GMDS: variants seen among roughly 807,000 people sequenced by gnomAD.
GMDS encodes the protein GDP-mannose 4,6 dehydratase.
Under a neutral mutation model 49.9 loss-of-function variants are expected in GMDS, and 20 were observed. The ratio of observed to expected loss-of-function variants is 0.40; its 90% CI spans 0.28 to 0.58. GMDS has a LOEUF of 0.58. Among genes scored for constraint, GMDS ranks in the 20% least tolerant of loss-of-function variants. GMDS has a pLI of 0.42. For synonymous variants in GMDS, 177 were observed against 178.6 expected, an observed-to-expected ratio of 0.99 and a Z score of 0.07; for missense variants, 362 against 481.4, an observed-to-expected ratio of 0.75 and a Z score of 2.32.
Position 2,245,603 on chromosome 6 carries a change from G to T in GMDS, c.-181C>A. On this transcript the variant is annotated 5_prime_UTR_variant, in exon 1 of 11. Coordinates refer to ENST00000380815, the MANE Select transcript of GMDS (RefSeq NM_001500.4). ...AGGGGCGCACGGGAGGCCGTGCAGG[G>T]AGGGCCGGGGGCGGGCCGAGCCGGC... The T allele has an allele frequency of 2.7e-6, 1 of 372,304 alleles. No homozygotes were observed. The highest frequency in any genetic ancestry group is 4.7e-6 in the Non-Finnish European group (1 of 211,392). The allele number at this position is 372,304 out of a possible 1,614,324, so 23.1% of individuals were successfully genotyped here. A position where few individuals can be genotyped will look rare whatever the true frequency, so the allele number is the denominator to read the frequency against.
intron 5 of GMDS, among the ~76,000 whole-genome samples, chr6:1,960,457 A>T (rs958181686): frequency 2.6e-5 from 4 of 152,104 alleles, no homozygotes; most frequent in African/African-American, 9.7e-5. Context: ...GTATAATCTC[A>T]TAACAGTTTA....
chr6:1,998,198 T>C (rs149964381), intron 4 of GMDS, among the ~76,000 whole-genome samples: 2 of 152,306 alleles, frequency 1.3e-5, no homozygotes, highest in African/African-American at 2.4e-5. Flanking sequence ...CCAGGAGTTA[T>C]CATAGCTGTG....
chr6:2,044,590 A>T (rs1448571961), intron 4 of GMDS, among the ~76,000 whole-genome samples: 1 of 152,206 alleles, frequency 6.6e-6, no homozygotes, highest in East Asian at 1.9e-4. Flanking sequence ...GAGGGAGAAG[A>T]TCAGGAAAAA....
At chr6:1,989,308 G>T (rs187846607) in intron 4 of GMDS, among the ~76,000 whole-genome samples, 141 of 152,274 alleles carry the variant, frequency 9.3e-4, no homozygotes, top group Non-Finnish European at 1.2e-3. Flanking sequence ...TGGTAAAAAG[G>T]CTGTTAATGG....
intron 7 of GMDS, among the ~76,000 whole-genome samples, chr6:1,893,234 C>T (rs182750671): frequency 1.8e-4 from 27 of 146,016 alleles, no homozygotes; most frequent in African/African-American, 6.9e-4. Flanking sequence ...GACTCTGTCA[C>T]CCAGGCTGGA....
At position 1,960,949 on chromosome 6, in the gene GMDS, A is replaced by G. The variant is rs767608039; in HGVS notation, c.363T>C (p.Ala121=). Residue 121 remains alanine, a synonymous_variant, in exon 5 of 11, where the codon GCT becomes GCC. Transcript: ENST00000380815. ...QSHVKISFDL[A]EYTADVDGVG... Reference sequence around the variant, plus strand: ...CTCCGTCAACGTCCGCAGTGTACTCAGCGAGGTCAAAGGAAATCTGGAAAA... The same window carrying G: ...CTCCGTCAACGTCCGCAGTGTACTCGGCGAGGTCAAAGGAAATCTGGAAAA... The G allele has an allele frequency of 6.5e-7, 1 of 1,540,460 alleles. No individual in the cohort carries two copies. Among genetic ancestry groups the G allele is most frequent in the Admixed American group, 1.7e-5 (1 of 58,892 alleles).
At position 1,635,062 on chromosome 6, in the gene GMDS, C is replaced by A. The variant is rs1035359974; in HGVS notation, c.988-10522G>T. Among the ~76,000 whole-genome samples, 1 of 152,124 alleles carries A rather than the reference C, an allele frequency of 6.6e-6. No homozygotes were observed. The highest frequency in any genetic ancestry group is 6.6e-5 in the Admixed American group (1 of 15,262). On this transcript the variant is annotated intron_variant, in intron 9 of 10. Coordinates refer to ENST00000380815, the MANE Select transcript of GMDS (RefSeq NM_001500.4). The surrounding 1 kb of genome is among the most constrained non-coding windows in gnomAD (Gnocchi z 4.7). ...GCGTGTGCCTCTCACCACAGCCCTG[C>A]CAGCATTACGTGTCATCTCCTTTTT...
At chr6:1,688,748 G>A (rs1331255550) in intron 9 of GMDS, among the ~76,000 whole-genome samples, 1 of 152,192 alleles carries the variant, frequency 6.6e-6, no homozygotes, top group African/African-American at 2.4e-5. Flanking sequence ...ATTATATAAA[G>A]ATAGCCAGCT....
intron 9 of GMDS, among the ~76,000 whole-genome samples, chr6:1,683,315 G>A (rs565702815): frequency 1.7e-4 from 26 of 152,230 alleles, no homozygotes; most frequent in Admixed American, 6.5e-4. Context: ...AGTAGAGACC[G>A]GGTTTCACCG....
intron 7 of GMDS, among the ~76,000 whole-genome samples, chr6:1,846,421 T>C (rs1236099451): frequency 6.6e-6 from 1 of 152,114 alleles, no homozygotes; most frequent in Non-Finnish European, 1.5e-5. Context: ...GCCCTTTTTC[T>C]CTCTAAAATT....
chr6:2,099,245 C>CA (rs965562985), intron 4 of GMDS, among the ~76,000 whole-genome samples: 11 of 152,024 alleles, frequency 7.2e-5, no homozygotes, highest in African/African-American at 2.7e-4. Flanking sequence ...CCCTTCCCCA[C>CA]AAAAAAGCAT....
intron 8 of GMDS, among the ~76,000 whole-genome samples, chr6:1,739,488 C>T (rs946841769): frequency 6.6e-6 from 1 of 152,248 alleles, no homozygotes. Context: ...CCTGCTCCCC[C>T]GCATTCAAAC....
chr6:1,648,733 C>T lies in GMDS; in HGVS notation c.988-24193G>A, dbSNP rs78291428. Among the ~76,000 whole-genome samples the T allele has an allele frequency of 3.8e-3, 578 of 152,316 alleles. 4 individuals carry two copies. The highest frequency in any genetic ancestry group is 0.013 in the African/African-American group (546 of 41,560). On this transcript the variant is annotated intron_variant, in intron 9 of 10. Coordinates refer to ENST00000380815, the MANE Select transcript of GMDS (RefSeq NM_001500.4). ...CCAAATAATGAAACGTAACTTTCAA[C>T]GATTTAGAATGCCACAGTTTTTTGT...
At chr6:2,112,937 C>T (rs1774632318) in intron 4 of GMDS, among the ~76,000 whole-genome samples, 1 of 152,136 alleles carries the variant, frequency 6.6e-6, no homozygotes, top group African/African-American at 2.4e-5. Context: ...ATTCAATCTT[C>T]AGTCCTCTAC....
intron 7 of GMDS, among the ~76,000 whole-genome samples, chr6:1,888,598 G>C (rs1759727088): frequency 6.6e-6 from 1 of 152,052 alleles, no homozygotes; most frequent in Non-Finnish European, 1.5e-5. Flanking sequence ...TCTGCCCCTG[G>C]TCTCTCCCAA....
chr6:2,043,036 G>A (rs948578521), intron 4 of GMDS, among the ~76,000 whole-genome samples: 12 of 152,112 alleles, frequency 7.9e-5, no homozygotes, highest in African/African-American at 2.4e-4. Context: ...ATCTGTGGAC[G>A]TCTCTGGGGT....
At chr6:1,656,416 ACATGGT>A (rs1278121074) in intron 9 of GMDS, among the ~76,000 whole-genome samples, 1 of 152,220 alleles carries the variant, frequency 6.6e-6, no homozygotes, top group African/African-American at 2.4e-5. Flanking sequence ...GAATCAGTAT[ACATGGT>A]CATGTAGGAT....
intron 7 of GMDS, among the ~76,000 whole-genome samples, chr6:1,878,653 C>T (rs111345516): frequency 8.6e-5 from 13 of 151,910 alleles, no homozygotes; most frequent in African/African-American, 2.9e-4. Context: ...CATGTTAATA[C>T]CTGACAGCAA....
chr6:2,243,953 C>G (rs1288397579), intron 1 of GMDS, among the ~76,000 whole-genome samples: 5 of 149,276 alleles, frequency 3.3e-5, no homozygotes. Flanking sequence ...GCCTCAGACT[C>G]CCGGACTCAA....
Sources: allele counts gnomAD v4.1 joint callset (sites outside exome capture counted in the v4.1 genomes callset), GRCh38; gene constraint gnomAD v4.1.1; non-coding constraint Gnocchi (gnomAD v3.1); transcripts MANE v1.5; gene names NCBI Gene and HGNC (gene_info 2026-07-23, HGNC 2026-07-21).